GRM5: variants seen among roughly 807,000 people sequenced by gnomAD.
GRM5 encodes the protein glutamate metabotropic receptor 5, also known as metabotropic glutamate receptor 5.
In GRM5, 19 loss-of-function variants were observed where a neutral mutation model predicts 83.1. The observed-to-expected ratio is 0.23, with a 90% CI of 0.16 to 0.34. GRM5 has a LOEUF of 0.34. Among genes scored for constraint, GRM5 ranks in the 10% least tolerant of loss-of-function variants. GRM5 has a pLI of 1.00. For synonymous variants in GRM5, 675 were observed against 633.6 expected (o/e 1.07, Z -0.98); for missense variants, 1,160 against 1,588.3 (o/e 0.73, Z 4.58).
At chr11:88,701,818 G>A (rs1475833471) in intron 3 of GRM5, among the ~76,000 whole-genome samples, 1 of 152,094 alleles carries the variant, frequency 6.6e-6, no homozygotes, top group Admixed American at 6.6e-5. Flanking sequence ...GAATGTTTAG[G>A]TTAAGACAAG....
Position 89,039,056 on chromosome 11 carries a change from G to A in GRM5, c.661+8156C>T, listed in dbSNP as rs376936574. ...CAAGGCAGGCAGATCATGAGGTCAG[G>A]AGATCAAGAACACCCTGACTAACAT... On this transcript the variant is annotated intron_variant, in intron 2 of 9. Coordinates refer to ENST00000305447, the MANE Select transcript of GRM5 (RefSeq NM_001143831.3). Among the ~76,000 whole-genome samples the A allele has an allele frequency of 2.6e-5, 4 of 152,106 alleles. No homozygotes were observed. The South Asian group carries it at 8.3e-4, about 32-fold the overall frequency.
At chr11:88,633,021 AT>A (rs1418545895) in intron 4 of GRM5, among the ~76,000 whole-genome samples, 1 of 152,166 alleles carries the variant, frequency 6.6e-6, no homozygotes, top group Non-Finnish European at 1.5e-5. Context: ...TTGAACAAGC[AT>A]GTTTTGAATA....
At chr11:88,701,944 G>GTCTT (rs1941045692) in intron 3 of GRM5, among the ~76,000 whole-genome samples, 1 of 152,024 alleles carries the variant, frequency 6.6e-6, no homozygotes, top group Non-Finnish European at 1.5e-5. Flanking sequence ...CAAAAAGAGT[G>GTCTT]TCTTTTGTTA....
At position 89,000,834 on chromosome 11, in the gene GRM5, A is replaced by G. The variant is rs189600875; in HGVS notation, c.661+46378T>C. 1.5e-4 allele frequency among the ~76,000 whole-genome samples: 23 copies of G among 152,258 alleles called. No individual in the cohort carries two copies. The East Asian group carries it at 3.5e-3, about 23-fold the overall frequency. On this transcript the variant is annotated intron_variant, in intron 2 of 9. Transcript: ENST00000305447. ...TGAACAAAGGATTACTATCTAGAAT[A>G]TAGAAAGACTTAAAACTCAATGTTT...
At chr11:88,661,005 C>T (rs1292774098) in intron 3 of GRM5, among the ~76,000 whole-genome samples, 17 of 152,156 alleles carry the variant, frequency 1.1e-4, no homozygotes, top group Admixed American at 1.1e-3. Context: ...TATTGTGTAA[C>T]TAATATTCTA....
At chr11:88,912,252 A>T (rs1945512830) in intron 2 of GRM5, among the ~76,000 whole-genome samples, 1 of 151,944 alleles carries the variant, frequency 6.6e-6, no homozygotes, top group African/African-American at 2.4e-5. Flanking sequence ...TAACTAAAAT[A>T]ATGATAATGC....
intron 3 of GRM5, among the ~76,000 whole-genome samples, chr11:88,785,216 C>G (rs914354296): frequency 6.6e-6 from 1 of 151,996 alleles, no homozygotes; most frequent in African/African-American, 2.4e-5. Flanking sequence ...ATTAAAATTG[C>G]AGTTAAGTTC....
At chr11:88,576,256 C>T (rs1324951619) in intron 7 of GRM5, among the ~76,000 whole-genome samples, 1 of 152,132 alleles carries the variant, frequency 6.6e-6, no homozygotes, top group Non-Finnish European at 1.5e-5. Context: ...TTTTCTGATT[C>T]CCTGAAGCTG....
intron 4 of GRM5, among the ~76,000 whole-genome samples, chr11:88,641,981 G>A (rs1160189143): frequency 6.6e-6 from 1 of 152,158 alleles, no homozygotes; most frequent in East Asian, 1.9e-4. Context: ...GTTTGTGGGG[G>A]CTCCAAGCCC....
chr11:88,853,160 A>G (rs1338537823), intron 2 of GRM5, among the ~76,000 whole-genome samples: 1 of 152,122 alleles, frequency 6.6e-6, no homozygotes, highest in African/African-American at 2.4e-5. Context: ...TGTGGAGAAA[A>G]TGTAATCATA....
chr11:88,731,049 T>C (rs1466481742), intron 3 of GRM5, among the ~76,000 whole-genome samples: 2 of 152,054 alleles, frequency 1.3e-5, no homozygotes, highest in African/African-American at 4.8e-5. Flanking sequence ...TTCTGGATAG[T>C]AGTTACTATG....
chr11:88,735,028 G>T (rs1941883761), intron 3 of GRM5, among the ~76,000 whole-genome samples: 1 of 151,830 alleles, frequency 6.6e-6, no homozygotes, highest in Non-Finnish European at 1.5e-5. Context: ...TATTGAGATT[G>T]CACATTTGAT....
intron 3 of GRM5, among the ~76,000 whole-genome samples, chr11:88,751,125 G>T (rs1436709764): frequency 7.8e-6 from 1 of 128,490 alleles, no homozygotes; most frequent in Non-Finnish European, 1.6e-5. Flanking sequence ...GGAAATAAAG[G>T]AAATAGAGAC....
chr11:88,862,897 T>A (rs1944590492), intron 2 of GRM5, among the ~76,000 whole-genome samples: 2 of 152,010 alleles, frequency 1.3e-5, no homozygotes, highest in African/African-American at 4.8e-5. Context: ...AGAGTCTACA[T>A]GAAACTTAAA....
intron 6 of GRM5, among the ~76,000 whole-genome samples, chr11:88,596,909 G>A (rs1318195476): frequency 1.3e-5 from 2 of 151,952 alleles, no homozygotes; most frequent in Non-Finnish European, 2.9e-5. Context: ...TTTTCTAACT[G>A]TAAACTTTAT....
chr11:88,591,546 A>G (rs1937640014), intron 6 of GRM5, among the ~76,000 whole-genome samples: 1 of 152,226 alleles, frequency 6.6e-6, no homozygotes, highest in East Asian at 1.9e-4. Context: ...ATGTTCTTTT[A>G]AATAATTAAA....
chr11:88,885,926 C>A (rs977166485), intron 2 of GRM5, among the ~76,000 whole-genome samples: 7 of 152,106 alleles, frequency 4.6e-5, no homozygotes, highest in Non-Finnish European at 1.0e-4. Context: ...CCCTTCTCTG[C>A]CAGCCATGTA....
intron 2 of GRM5, among the ~76,000 whole-genome samples, chr11:88,943,344 T>C (rs1938173755): frequency 6.6e-6 from 1 of 152,060 alleles, no homozygotes; most frequent in African/African-American, 2.4e-5. Context: ...TTCTATACAT[T>C]AGCTTCACAA....
At position 88,507,630 on chromosome 11, in the gene GRM5, T is replaced by C. The variant is rs1941213150; in HGVS notation, c.*962A>G. 3 of 152,344 alleles carry C rather than the reference T, an allele frequency of 2.0e-5. No individual in the cohort carries two copies. The South Asian group carries it at 6.2e-4, about 32-fold the overall frequency. The allele number at this position is 152,344 out of a possible 1,614,324, so 9.4% of individuals were successfully genotyped here. A position where few individuals can be genotyped will look rare whatever the true frequency, so the allele number is the denominator to read the frequency against. On this transcript the variant is annotated 3_prime_UTR_variant, in exon 10 of 10. Coordinates refer to ENST00000305447, the MANE Select transcript of GRM5 (RefSeq NM_001143831.3). ...AGAAGCCCCAATGCATATTTTAATA[T>C]TTTAGTTGGCAATGCAAACGCAACA...
Sources: gnomAD v4.1 joint callset for allele counts (sites outside exome capture counted in the v4.1 genomes callset) on GRCh38, gnomAD v4.1.1 for gene constraint, MANE v1.5 for transcripts, NCBI Gene and HGNC (gene_info 2026-07-23, HGNC 2026-07-21) for gene names.